RUNX1: variants seen among roughly 807,000 people sequenced by gnomAD.
RUNX1 encodes the protein runt-related transcription factor 1.
RUNX1 carries 19 observed loss-of-function variants against 42.8 expected under a neutral mutation model. That is an observed-to-expected ratio of 0.44 (90% CI 0.31 to 0.65). The LOEUF (loss-of-function observed/expected upper bound fraction) is 0.65, where lower values mean the gene tolerates loss of function less well. Among genes scored for constraint, RUNX1 ranks in the 30% least tolerant of loss-of-function variants. The probability of loss-of-function intolerance (pLI) is 0.07; values close to 1 mark genes in which losing one functional copy is unlikely to be tolerated. For synonymous variants in RUNX1, 271 were observed against 289.4 expected, an observed-to-expected ratio of 0.94 and a Z score of 0.64; for missense variants, 528 against 672.0, an observed-to-expected ratio of 0.79 and a Z score of 2.37.
intron 6 of RUNX1, among the ~76,000 whole-genome samples, chr21:34,857,643 T>C (rs1366174132): frequency 6.6e-6 from 1 of 152,194 alleles, no homozygotes; most frequent in Non-Finnish European, 1.5e-5. Context: ...CTAAGTTTAG[T>C]CACCCTCAAA....
At chr21:34,845,958 G>A (rs1028198960) in intron 6 of RUNX1, among the ~76,000 whole-genome samples, 1 of 152,108 alleles carries the variant, frequency 6.6e-6, no homozygotes, top group African/African-American at 2.4e-5. Context: ...AGCTGTTTGC[G>A]GCTAGATTAT....
chr21:34,978,665 T>C (rs992052039), intron 2 of RUNX1, among the ~76,000 whole-genome samples: 10 of 152,182 alleles, frequency 6.6e-5, no homozygotes, highest in African/African-American at 2.4e-4. Flanking sequence ...CTTTTCAACA[T>C]TTGCTGCTCA....
At chr21:34,793,282 G>A (rs932561020) in intron 8 of RUNX1, among the ~76,000 whole-genome samples, 4 of 151,906 alleles carry the variant, frequency 2.6e-5, no homozygotes, top group African/African-American at 4.8e-5. Context: ...AATATAATAC[G>A]GTAATATAGA....
intron 2 of RUNX1, among the ~76,000 whole-genome samples, chr21:34,951,925 C>T (rs898525599): frequency 2.0e-5 from 3 of 152,164 alleles, no homozygotes; most frequent in Admixed American, 6.5e-5. Context: ...GACACATGCA[C>T]ACGTATGTTT....
chr21:34,878,690 T>C (rs1366605621), intron 5 of RUNX1, among the ~76,000 whole-genome samples: 2 of 152,224 alleles, frequency 1.3e-5, no homozygotes, highest in Non-Finnish European at 2.9e-5. Flanking sequence ...CAGTTCACTG[T>C]TACCCAAGTA....
At chr21:34,989,301 G>A (rs559936296) in intron 2 of RUNX1, among the ~76,000 whole-genome samples, 1 of 151,972 alleles carries the variant, frequency 6.6e-6, no homozygotes, top group Non-Finnish European at 1.5e-5. Context: ...GAGCCACGGC[G>A]CCCGGCCCCA....
chr21:34,891,208 CGAGTTTAGCCGTCA>C (rs919948223), intron 3 of RUNX1, among the ~76,000 whole-genome samples: 1 of 152,308 alleles, frequency 6.6e-6, no homozygotes, highest in Middle Eastern at 3.4e-3. Flanking sequence ...TTGCATGCAC[CGAGTTTAGCCGTCA>C]GAGGCAGCGT....
At chr21:34,979,975 C>T (rs73203018) in intron 2 of RUNX1, among the ~76,000 whole-genome samples, 3,815 of 152,258 alleles carry the variant, frequency 0.025, 60 homozygotes, top group Middle Eastern at 0.075. Flanking sequence ...CCCCTGCTAG[C>T]GCATGGCCGA....
At chr21:34,979,579 G>T (rs1479215047) in intron 2 of RUNX1, among the ~76,000 whole-genome samples, 1 of 152,178 alleles carries the variant, frequency 6.6e-6, no homozygotes, top group Non-Finnish European at 1.5e-5. Flanking sequence ...TTCTGTCTGG[G>T]ATGACTATAT....
Position 34,788,263 on chromosome 21 carries a change from C to CGAAA in RUNX1, c.*3871_*3872insTTTC, listed in dbSNP as rs2056392994. ...AGGACCACATTTCCCGTTGCTTTTT[C>CGAAA]AGTAGATGTGTTATACCGTCATTTC... On this transcript the variant is annotated 3_prime_UTR_variant, in exon 9 of 9. Coordinates refer to ENST00000675419, the MANE Select transcript of RUNX1 (RefSeq NM_001754.5). The CGAAA allele has an allele frequency of 4.3e-6, 1 of 233,566 alleles. No individual in the cohort carries two copies. Among genetic ancestry groups the CGAAA allele is most frequent in the South Asian group, 1.8e-4 (1 of 5,528 alleles). 14.5% of individuals were successfully genotyped at this position (233,566 alleles called of 1,614,324 possible). A position where few individuals can be genotyped will look rare whatever the true frequency, so the allele number is the denominator to read the frequency against.
chr21:34,866,215 A>T (rs533757449), intron 5 of RUNX1, among the ~76,000 whole-genome samples: 25 of 152,322 alleles, frequency 1.6e-4, no homozygotes, highest in African/African-American at 5.8e-4. Flanking sequence ...CTTAGGAAAC[A>T]CAATCGCAAC....
chr21:34,817,086 C>G (rs1260024305), intron 7 of RUNX1, among the ~76,000 whole-genome samples: 1 of 152,134 alleles, frequency 6.6e-6, no homozygotes, highest in East Asian at 1.9e-4. Context: ...GCTAAGGGAA[C>G]CTATGCAGTG....
At chr21:34,813,796 T>C (rs1260663922) in intron 7 of RUNX1, among the ~76,000 whole-genome samples, 2 of 151,778 alleles carry the variant, frequency 1.3e-5, no homozygotes, top group African/African-American at 2.4e-5. Context: ...TAATGTCTTA[T>C]GGAATGATAG....
intron 6 of RUNX1, among the ~76,000 whole-genome samples, chr21:34,844,360 A>T (rs2057286624): frequency 6.6e-6 from 1 of 152,122 alleles, no homozygotes; most frequent in Non-Finnish European, 1.5e-5. Context: ...CAGGAGAAGA[A>T]GATCCAGGAG....
chr21:34,943,003 G>A (rs867192790), intron 2 of RUNX1, among the ~76,000 whole-genome samples: 4 of 152,180 alleles, frequency 2.6e-5, no homozygotes, highest in Non-Finnish European at 4.4e-5. Context: ...CAGCGAGTAC[G>A]CCTTGGCAGC....
At chr21:34,833,863 C>T (rs1004228113) in intron 7 of RUNX1, 1 of 237,260 alleles carries the variant, frequency 4.2e-6, no homozygotes, top group Non-Finnish European at 8.6e-6. Flanking sequence ...GCTGGGGGGA[C>T]CTGCATTCTC....
intron 2 of RUNX1, among the ~76,000 whole-genome samples, chr21:35,015,938 A>G (rs2059156212): frequency 6.6e-6 from 1 of 152,252 alleles, no homozygotes; most frequent in South Asian, 2.1e-4. Context: ...GCAGCCCAGT[A>G]GCAATTACAG....
intron 6 of RUNX1, among the ~76,000 whole-genome samples, chr21:34,841,582 T>C (rs2284612): frequency 0.46 from 70,218 of 152,050 alleles, 19,192 homozygotes; most frequent in Middle Eastern, 0.64. Context: ...GCCTCCTACT[T>C]GAAACTAGAA....
intron 2 of RUNX1, among the ~76,000 whole-genome samples, chr21:34,923,446 C>T (rs1031707611): frequency 7.2e-5 from 11 of 152,232 alleles, no homozygotes; most frequent in Admixed American, 2.0e-4. Flanking sequence ...TAAGTTGTGA[C>T]GTCATGAAAA....
Sources: gnomAD v4.1 joint callset for allele counts (sites outside exome capture counted in the v4.1 genomes callset) on GRCh38, gnomAD v4.1.1 for gene constraint, MANE v1.5 for transcripts, NCBI Gene and HGNC (gene_info 2026-07-23, HGNC 2026-07-21) for gene names.